The following LMBR1 variants were observed in gnomAD, a reference collection of about 807,000 sequenced individuals.
The protein encoded by LMBR1 is limb development membrane protein 1.
In LMBR1, 52 loss-of-function variants were observed where a neutral mutation model predicts 73.9. The ratio of observed to expected loss-of-function variants is 0.70; its 90% confidence interval spans 0.56 to 0.89. The LOEUF is 0.89. Among genes scored for constraint, LMBR1 ranks in the 40% least tolerant of loss-of-function variants. The pLI is 0.00. For missense variants in LMBR1, 539 were observed against 579.8 expected (o/e 0.93, Z 0.72); for synonymous variants, 215 against 209.4 (o/e 1.03, Z -0.23).
At chr7:156,802,592 A>T (rs913678127) in intron 4 of LMBR1, among the ~76,000 whole-genome samples, 1 of 152,220 alleles carries the variant, frequency 6.6e-6, no homozygotes, top group African/African-American at 2.4e-5. Context: ...AATATAAGAA[A>T]TATTAATTTT....
intron 1 of LMBR1, among the ~76,000 whole-genome samples, chr7:156,859,215 T>A (rs1797391459): frequency 6.8e-6 from 1 of 147,116 alleles, no homozygotes; most frequent in African/African-American, 2.5e-5. Flanking sequence ...GCCATTGCAG[T>A]CCAGCCTGGG....
intron 4 of LMBR1, among the ~76,000 whole-genome samples, chr7:156,800,719 A>G (rs1830826095): frequency 6.6e-6 from 1 of 152,346 alleles, no homozygotes; most frequent in African/African-American, 2.4e-5. Flanking sequence ...GATTGTGCAA[A>G]GTAAACTGAA....
chr7:156,758,263 T>C (rs1822279924), intron 8 of LMBR1, among the ~76,000 whole-genome samples: 1 of 152,242 alleles, frequency 6.6e-6, no homozygotes. Flanking sequence ...TCCTTTCCCA[T>C]CAACACTTCT....
chr7:156,706,824 C>T (rs1811033222), intron 15 of LMBR1, among the ~76,000 whole-genome samples: 1 of 149,068 alleles, frequency 6.7e-6, no homozygotes, highest in Non-Finnish European at 1.5e-5. Flanking sequence ...CAAGGAACTA[C>T]AAAAGTAACA....
At chr7:156,773,876 T>C (rs1170714850) in intron 5 of LMBR1, among the ~76,000 whole-genome samples, 1 of 151,964 alleles carries the variant, frequency 6.6e-6, no homozygotes, top group Non-Finnish European at 1.5e-5. Flanking sequence ...CTAAACAGCT[T>C]CTGCACAGCA....
At chr7:156,766,061 A>C (rs1824020387) in intron 5 of LMBR1, among the ~76,000 whole-genome samples, 2 of 152,174 alleles carry the variant, frequency 1.3e-5, no homozygotes, top group South Asian at 4.1e-4. Context: ...TATTCTGGTA[A>C]GAACTATTTC....
intron 16 of LMBR1, among the ~76,000 whole-genome samples, chr7:156,687,804 C>T (rs985401834): frequency 1.3e-5 from 2 of 152,238 alleles, no homozygotes; most frequent in African/African-American, 2.4e-5. Flanking sequence ...GAATTATTTC[C>T]GTTGATCTTC....
At chr7:156,832,333 C>A (rs1291427805) in intron 3 of LMBR1, among the ~76,000 whole-genome samples, 1 of 152,134 alleles carries the variant, frequency 6.6e-6, no homozygotes, top group Non-Finnish European at 1.5e-5. Context: ...ATTCACATTA[C>A]ATAAAATTTA....
intron 15 of LMBR1, among the ~76,000 whole-genome samples, chr7:156,705,690 G>A (rs1019687732): frequency 7.9e-5 from 12 of 152,188 alleles, no homozygotes; most frequent in African/African-American, 2.2e-4. Flanking sequence ...TACAGATCCT[G>A]TAAGAAATGC....
chr7:156,757,387 C>T (rs946025757), intron 8 of LMBR1, among the ~76,000 whole-genome samples: 1 of 152,090 alleles, frequency 6.6e-6, no homozygotes, highest in African/African-American at 2.4e-5. Flanking sequence ...ATCCAATAGA[C>T]CAAAATCTAG....
rs764452148 is a variant in LMBR1, at chr7:156,734,196, C to T, written c.819G>A (p.Lys273=). The stretch of plus-strand genomic sequence containing the variant: ...CAATACCTAATTTTGTCTTAAGAGT[C>T]TTTACATTTTCAAGTTCTTGTTCCA... ...MELEQELENV[K]TLKTKLERRK... The change falls in exon 10 of 17, where the codon AAG becomes AAA. Residue 273 remains lysine (K), a synonymous_variant. Coordinates refer to ENST00000353442, the MANE Select transcript of LMBR1 (RefSeq NM_022458.4). 1.2e-6 allele frequency: 2 copies of T among 1,609,228 alleles called. No homozygotes were observed. The highest frequency in any genetic ancestry group is 1.7e-5 in the Admixed American group (1 of 59,042).
chr7:156,762,455 T>C (rs957913409), intron 7 of LMBR1, among the ~76,000 whole-genome samples: 1 of 152,208 alleles, frequency 6.6e-6, no homozygotes, highest in Non-Finnish European at 1.5e-5. Context: ...CTTAGAATAA[T>C]ATTCAAGATT....
At chr7:156,854,709 C>T (rs987892416) in intron 1 of LMBR1, among the ~76,000 whole-genome samples, 3 of 152,090 alleles carry the variant, frequency 2.0e-5, no homozygotes, top group South Asian at 4.1e-4. Flanking sequence ...GGTCACAGAC[C>T]GGGGCATAGG....
At chr7:156,823,821 T>A (rs948893333) in intron 4 of LMBR1, 1 of 152,308 alleles carries the variant, frequency 6.6e-6, no homozygotes, top group Non-Finnish European at 1.5e-5. Flanking sequence ...CCGGGCACGG[T>A]GGCTCACGCC....
chr7:156,822,014 A>G (rs1834873112), intron 4 of LMBR1, among the ~76,000 whole-genome samples: 1 of 152,270 alleles, frequency 6.6e-6, no homozygotes, highest in South Asian at 2.1e-4. Context: ...TAACACAGAC[A>G]AAACAATTAA....
chr7:156,757,124 T>C (rs150849279), intron 8 of LMBR1, among the ~76,000 whole-genome samples: 2 of 152,292 alleles, frequency 1.3e-5, no homozygotes, highest in East Asian at 3.9e-4. Flanking sequence ...CCAGCCTACA[T>C]GTACCAATTT....
intron 3 of LMBR1, among the ~76,000 whole-genome samples, chr7:156,827,285 A>C (rs2133825933): frequency 6.6e-6 from 1 of 152,296 alleles, no homozygotes; most frequent in Admixed American, 6.5e-5. Context: ...GAAAACTATT[A>C]AACAGTATTG....
At chr7:156,883,268 G>A (rs1264280743) in intron 1 of LMBR1, among the ~76,000 whole-genome samples, 2 of 149,148 alleles carry the variant, frequency 1.3e-5, no homozygotes, top group Admixed American at 6.7e-5. Flanking sequence ...GTGTGGTGGT[G>A]CACACCTGTA....
chr7:156,865,813 G>C (rs1225905530), intron 1 of LMBR1, among the ~76,000 whole-genome samples: 2 of 152,092 alleles, frequency 1.3e-5, no homozygotes, highest in Non-Finnish European at 2.9e-5. Context: ...AGAGTATCAA[G>C]ATAATTCAGT....
Sources: gnomAD v4.1 joint callset for allele counts (sites outside exome capture counted in the v4.1 genomes callset) on GRCh38, gnomAD v4.1.1 for gene constraint, MANE v1.5 for transcripts, NCBI Gene and HGNC (gene_info 2026-07-23, HGNC 2026-07-21) for gene names.